ANGPTL1: variants seen among roughly 807,000 people sequenced by gnomAD.
ANGPTL1 encodes the protein angiopoietin like 1.
Under a neutral mutation model 46.7 loss-of-function variants are expected in ANGPTL1, and 36 were observed. The ratio of observed to expected loss-of-function variants is 0.77; its 90% confidence interval spans 0.59 to 1.02. ANGPTL1 has a LOEUF of 1.02. ANGPTL1 is among the 50% of genes least tolerant of loss of function. The pLI, the probability that ANGPTL1 is intolerant of heterozygous loss-of-function variation, is 0.00. For synonymous variants in ANGPTL1, 221 were observed against 204.3 expected (o/e 1.08, Z -0.69); for missense variants, 571 against 594.7 (o/e 0.96, Z 0.41).
intron 2 of ANGPTL1, among the ~76,000 whole-genome samples, chr1:178,868,496 A>G (rs1044099939): frequency 1.3e-5 from 2 of 151,974 alleles, no homozygotes; most frequent in African/African-American, 4.8e-5. Flanking sequence ...GTAATATAAA[A>G]CTCTAAAACA....
chr1:178,856,202 G>GAGATATATAT (rs1428022812), intron 3 of ANGPTL1, among the ~76,000 whole-genome samples: 17 of 83,896 alleles, frequency 2.0e-4, no homozygotes, highest in African/African-American at 7.1e-4. Context: ...GAGAGAGAGA[G>GAGATATATAT]ATATATATAT....
intron 2 of ANGPTL1, among the ~76,000 whole-genome samples, chr1:178,867,822 G>T (rs1050872644): frequency 6.6e-6 from 1 of 151,486 alleles, no homozygotes; most frequent in Non-Finnish European, 1.5e-5. Context: ...GACCCCTCCC[G>T]AAAACAAAGG....
At position 178,864,068 on chromosome 1, in the gene ANGPTL1, T is replaced by G. The variant is rs184546468; in HGVS notation, c.823+886A>C. ...TCAGCTTGTAAAGGATTCTGGGGAA[T>G]GAGTTGTGAGAAAATGGATGCAAGT... On this transcript the variant is annotated intron_variant, in intron 3 of 5. Coordinates refer to ENST00000234816, the MANE Select transcript of ANGPTL1 (RefSeq NM_004673.4). 2.6e-5 allele frequency among the ~76,000 whole-genome samples: 4 copies of G among 152,258 alleles called. No homozygotes were observed. In the East Asian group the frequency reaches 7.7e-4, roughly 29 times the overall value.
intron 3 of ANGPTL1, among the ~76,000 whole-genome samples, chr1:178,862,661 G>A (rs1217944503): frequency 2.0e-5 from 3 of 151,452 alleles, no homozygotes; most frequent in Admixed American, 2.0e-4. Flanking sequence ...TTTGGCTTGA[G>A]CCTTATTCTT....
chr1:178,855,641 T>A (rs1657483802), intron 3 of ANGPTL1, among the ~76,000 whole-genome samples: 2 of 151,876 alleles, frequency 1.3e-5, no homozygotes, highest in South Asian at 4.1e-4. Context: ...ATAGTTTTTA[T>A]TTCTCTTTTG....
At chr1:178,851,342 A>G in intron 5 of ANGPTL1, 26 bp from the exon 6 acceptor site, 1 of 1,585,164 alleles carries the variant, frequency 6.3e-7, no homozygotes, top group Non-Finnish European at 8.6e-7. Context: ...ACAGATATAA[A>G]TGTAAAAGTT....
chr1:178,857,875 G>A (rs1268770316), intron 3 of ANGPTL1, among the ~76,000 whole-genome samples: 1 of 152,092 alleles, frequency 6.6e-6, no homozygotes, highest in Non-Finnish European at 1.5e-5. Flanking sequence ...GTTCCATAGA[G>A]CTATACTCAT....
intron 3 of ANGPTL1, among the ~76,000 whole-genome samples, chr1:178,863,020 G>C (rs573828587): frequency 2.0e-5 from 3 of 152,282 alleles, no homozygotes; most frequent in African/African-American, 7.2e-5. Context: ...TAAATCTTAT[G>C]CAGTAAATAC....
At chr1:178,855,367 G>A (rs934143796) in intron 3 of ANGPTL1, among the ~76,000 whole-genome samples, 2 of 144,622 alleles carry the variant, frequency 1.4e-5, no homozygotes, top group Non-Finnish European at 3.0e-5. Context: ...ATTTTTTGTT[G>A]ATTAAATTTC....
chr1:178,854,826 T>C (rs1023191300), intron 3 of ANGPTL1, among the ~76,000 whole-genome samples: 11 of 152,184 alleles, frequency 7.2e-5, no homozygotes, highest in African/African-American at 2.7e-4. Flanking sequence ...TTTCTTCAAA[T>C]TTTACAAGTG....
chr1:178,851,464 A>C, intron 5 of ANGPTL1, 148 bp from the exon 6 acceptor site: 2 of 652,628 alleles, frequency 3.1e-6, no homozygotes, highest in Non-Finnish European at 4.8e-6. Context: ...GCCTTCACTT[A>C]CTTGATGGCT....
At chr1:178,863,546 G>A (rs1039818339) in intron 3 of ANGPTL1, among the ~76,000 whole-genome samples, 4 of 152,178 alleles carry the variant, frequency 2.6e-5, no homozygotes, top group Admixed American at 1.3e-4. Flanking sequence ...CTAAATTGAC[G>A]ACAGATAAGC....
rs1320656771 is a variant in ANGPTL1 at position 178,853,620 on chromosome 1, A to C, written c.991T>G (p.Phe331Val). 6.3e-7 allele frequency: 1 copy of C among 1,599,208 alleles called. No individual in the cohort carries two copies. Among genetic ancestry groups the C allele is most frequent in the Non-Finnish European group, 8.5e-7 (1 of 1,174,638 alleles). ...TTATAATTTTCCCAATTTCTGAAGA[A>C]GTTGACAGAGCCGTCTGTTCTTTTC... ...IQKRTDGSVN[F>V]FRNWENYKKG... The change falls in exon 4 of 6, where the codon TTC (phenylalanine) becomes GTC (valine). Residue 331 changes from phenylalanine to valine, a missense_variant. Phe to Val is a conservative substitution (Grantham distance 50). Transcript: ENST00000234816.
intron 3 of ANGPTL1, among the ~76,000 whole-genome samples, chr1:178,861,711 G>A (rs1307383772): frequency 3.3e-5 from 5 of 152,024 alleles, no homozygotes; most frequent in African/African-American, 7.2e-5. Context: ...TATAACTTAC[G>A]TATACAAACT....
intron 2 of ANGPTL1, among the ~76,000 whole-genome samples, chr1:178,866,695 C>T (rs1341828190): frequency 6.6e-6 from 1 of 152,118 alleles, no homozygotes; most frequent in Non-Finnish European, 1.5e-5. Context: ...CCTCTTTGTA[C>T]TCTGTGCATG....
Position 178,852,757 on chromosome 1 carries a change from T to C in ANGPTL1, c.1214A>G (p.Asn405Ser). Residue 405 changes from asparagine to serine, a missense_variant, in exon 5 of 6, where the codon AAT becomes AGT. Coordinates refer to ENST00000234816, the MANE Select transcript of ANGPTL1 (RefSeq NM_004673.4). ...YRLRLGTYQG[N>S]AGDSMMWHNG... is the part of the protein sequence containing the mutation. The stretch of plus-strand genomic sequence containing the variant: ...ATGCCACATCATAGAATCCCCTGCA[T>C]TTCCCTGGTAAGTTCCCAGGCGCAG... 2 of 1,613,930 alleles carry C rather than the reference T, an allele frequency of 1.2e-6. No individual in the cohort carries two copies. Among genetic ancestry groups the C allele is most frequent in the Non-Finnish European group, 1.7e-6 (2 of 1,179,854 alleles).
intron 1 of ANGPTL1, among the ~76,000 whole-genome samples, chr1:178,869,810 G>T (rs1295409587): frequency 2.6e-5 from 4 of 151,914 alleles, no homozygotes; most frequent in Non-Finnish European, 2.9e-5. Context: ...AAGTGTCTTT[G>T]GTTTAAGGCA....
At chr1:178,858,729 G>A (rs3766639) in intron 3 of ANGPTL1, among the ~76,000 whole-genome samples, 71,267 of 151,972 alleles carry the variant, frequency 0.47, 18,108 homozygotes, top group African/African-American at 0.66. Flanking sequence ...ATTTCCCAAG[G>A]TGTATTTATT....
At position 178,851,248 on chromosome 1, in the gene ANGPTL1, C is replaced by T; in HGVS notation, c.1357G>A (p.Val453Ile). Residue 453 changes from valine (V) to isoleucine (I), a missense_variant, in exon 6 of 6, where the codon GTA becomes ATA. Val to Ile is a conservative substitution (Grantham distance 29). Transcript: ENST00000234816. ...CTGTAATGGCCTCCTCTGTACCATA[C>T]TCCATTTAGGTTAGAATGTGCACAG... is the stretch of plus-strand genomic sequence containing the variant. ...NACAHSNLNG[V>I]WYRGGHYRSK... 1.2e-6 allele frequency: 2 copies of T among 1,613,976 alleles called. No homozygotes were observed. Among genetic ancestry groups the T allele is most frequent in the Middle Eastern group, 1.7e-4 (1 of 6,058 alleles).
Sources: allele counts gnomAD v4.1 joint callset (sites outside exome capture counted in the v4.1 genomes callset), GRCh38; gene constraint gnomAD v4.1.1; transcripts MANE v1.5; gene names NCBI Gene and HGNC (gene_info 2026-07-23, HGNC 2026-07-21).